FGD4: variants seen among roughly 807,000 people sequenced by gnomAD.
The protein encoded by FGD4 is FYVE, RhoGEF and PH domain-containing protein 4.
Under a neutral mutation model 102.0 loss-of-function variants are expected in FGD4, and 42 were observed. That is an observed-to-expected ratio of 0.41 (90% CI 0.32 to 0.53). The LOEUF is 0.53. Among genes scored for constraint, FGD4 ranks in the 20% least tolerant of loss-of-function variants. The pLI, the probability that FGD4 is intolerant of heterozygous loss-of-function variation, is 0.21. For missense variants in FGD4, 902 were observed against 1,078.2 expected (o/e 0.84, Z 2.29); for synonymous variants, 380 against 375.7 (o/e 1.01, Z -0.13).
chr12:32,526,153 GGA>G (rs1442684647), intron 1 of FGD4, among the ~76,000 whole-genome samples: 1 of 152,268 alleles, frequency 6.6e-6, no homozygotes, highest in Non-Finnish European at 1.5e-5. Context: ...GTGGGGACAT[GGA>G]GAGTCTTTAT....
chr12:32,444,229 G>T (rs528926025), intron 1 of FGD4, among the ~76,000 whole-genome samples: 1 of 151,894 alleles, frequency 6.6e-6, no homozygotes, highest in Non-Finnish European at 1.5e-5. Flanking sequence ...TTACTATGTT[G>T]CCCAGGCTAG....
chr12:32,608,540 C>T (rs943970653), intron 8 of FGD4, among the ~76,000 whole-genome samples: 8 of 152,194 alleles, frequency 5.3e-5, no homozygotes, highest in African/African-American at 1.9e-4. Context: ...GCTACCATAA[C>T]AGGAAATGGT....
chr12:32,527,102 C>T (rs1941320717), intron 1 of FGD4, among the ~76,000 whole-genome samples: 2 of 152,086 alleles, frequency 1.3e-5, no homozygotes, highest in South Asian at 2.1e-4. Flanking sequence ...ATTCATATAC[C>T]ATTGAGCTGT....
intron 1 of FGD4, among the ~76,000 whole-genome samples, chr12:32,426,344 C>T (rs1176189356): frequency 6.6e-6 from 1 of 152,054 alleles, no homozygotes; most frequent in Non-Finnish European, 1.5e-5. Flanking sequence ...GTCGTTGGTT[C>T]TGTTTATGTG....
At chr12:32,521,682 A>T (rs1940569592) in intron 1 of FGD4, among the ~76,000 whole-genome samples, 1 of 152,214 alleles carries the variant, frequency 6.6e-6, no homozygotes, top group East Asian at 1.9e-4. Flanking sequence ...CATTTACTTT[A>T]AAAAATATTG....
intron 13 of FGD4, 46 bp downstream of exon 13, chr12:32,625,114 C>A: frequency 6.7e-7 from 1 of 1,483,390 alleles, no homozygotes; most frequent in Non-Finnish European, 9.4e-7. Context: ...CATATCTTTG[C>A]AGGTGTAGAA....
intron 1 of FGD4, among the ~76,000 whole-genome samples, chr12:32,474,233 A>G (rs1351535276): frequency 6.6e-6 from 1 of 152,336 alleles, no homozygotes; most frequent in African/African-American, 2.4e-5. Context: ...CATATGACCC[A>G]GCAATTCTGT....
At chr12:32,602,394 A>T in intron 7 of FGD4, 77 bp downstream of exon 7, 1 of 1,557,746 alleles carries the variant, frequency 6.4e-7, no homozygotes, top group Non-Finnish European at 8.8e-7. Context: ...TCTAAAACTG[A>T]GATCTAGAGA....
In FGD4 at chr12:32,466,091, A is replaced by C. The variant is rs1943245543; in HGVS notation, c.166+66132A>C. Among the ~76,000 whole-genome samples the C allele has an allele frequency of 2.0e-5, 3 of 152,174 alleles. No homozygotes were observed. In the South Asian group the frequency reaches 6.2e-4, roughly 31 times the overall value. ...CTGTACCCAGCCTAAAGTATATTTT[A>C]ATTAAGGATGTCGATTGTTTTTTAA... is the stretch of plus-strand genomic sequence containing the variant. On this transcript the variant is annotated intron_variant, in intron 1 of 16. Transcript: ENST00000534526.
chr12:32,563,649 C>A (rs878985461), intron 1 of FGD4, among the ~76,000 whole-genome samples: 3 of 152,100 alleles, frequency 2.0e-5, no homozygotes, highest in Non-Finnish European at 2.9e-5. Context: ...CCAAGGCAGG[C>A]GGCTGGGAGG....
At chr12:32,457,420 T>C (rs1429819473) in intron 1 of FGD4, among the ~76,000 whole-genome samples, 1 of 152,226 alleles carries the variant, frequency 6.6e-6, no homozygotes, top group East Asian at 1.9e-4. Flanking sequence ...AGATTTTCCT[T>C]ACTATTTACC....
intron 1 of FGD4, among the ~76,000 whole-genome samples, chr12:32,447,034 C>T (rs1942636915): frequency 6.6e-6 from 1 of 152,142 alleles, no homozygotes; most frequent in African/African-American, 2.4e-5. Flanking sequence ...AAAGCTGTCC[C>T]TTTATTTTGT....
chr12:32,454,416 T>G (rs1334688133), intron 1 of FGD4, among the ~76,000 whole-genome samples: 1 of 152,228 alleles, frequency 6.6e-6, no homozygotes, highest in East Asian at 1.9e-4. Flanking sequence ...CTTCTGTCAC[T>G]TAAGACATTT....
intron 1 of FGD4, among the ~76,000 whole-genome samples, chr12:32,503,643 G>C (rs1478152824): frequency 1.3e-5 from 2 of 152,012 alleles, no homozygotes; most frequent in Admixed American, 1.3e-4. Flanking sequence ...TACAAAATTA[G>C]TTTAGCTACA....
At chr12:32,513,879 T>C (rs1939631781) in intron 1 of FGD4, among the ~76,000 whole-genome samples, 1 of 152,214 alleles carries the variant, frequency 6.6e-6, no homozygotes, top group Non-Finnish European at 1.5e-5. Context: ...GGTTTAAATG[T>C]ATGTATGAAA....
chr12:32,548,354 C>A (rs1943394506), intron 1 of FGD4, among the ~76,000 whole-genome samples: 1 of 152,210 alleles, frequency 6.6e-6, no homozygotes, highest in Non-Finnish European at 1.5e-5. Flanking sequence ...GCTAATATAT[C>A]TTTTCGCTAC....
At chr12:32,420,978 G>A (rs933449108) in intron 1 of FGD4, among the ~76,000 whole-genome samples, 2 of 152,080 alleles carry the variant, frequency 1.3e-5, no homozygotes, top group Non-Finnish European at 2.9e-5. Context: ...CTGCAACCTC[G>A]AACTCCTGGG....
intron 1 of FGD4, among the ~76,000 whole-genome samples, chr12:32,444,594 G>C (rs1007241210): frequency 6.6e-6 from 1 of 151,680 alleles, no homozygotes; most frequent in African/African-American, 2.4e-5. Flanking sequence ...TAGTAGAGAC[G>C]GTGTTTCACC....
chr12:32,507,288 C>T (rs1938871218), intron 1 of FGD4, among the ~76,000 whole-genome samples: 1 of 152,030 alleles, frequency 6.6e-6, no homozygotes, highest in South Asian at 2.1e-4. Flanking sequence ...CATAGTATTC[C>T]ATGGTGTATA....
Sources: allele counts gnomAD v4.1 joint callset (sites outside exome capture counted in the v4.1 genomes callset), GRCh38; gene constraint gnomAD v4.1.1; transcripts MANE v1.5; gene names NCBI Gene and HGNC (gene_info 2026-07-23, HGNC 2026-07-21).